Variants in HSDL2 observed in about 807,000 individuals in gnomAD.
HSDL2 encodes the protein hydroxysteroid dehydrogenase like 2, also known as hydroxysteroid dehydrogenase-like protein 2.
A neutral mutation model predicts 46.3 loss-of-function variants in HSDL2; 27 were observed. The observed-to-expected ratio is 0.58, with a 90% CI of 0.43 to 0.80. The LOEUF (loss-of-function observed/expected upper bound fraction) is 0.80, where lower values mean the gene tolerates loss of function less well. Among genes scored for constraint, HSDL2 ranks in the 30% least tolerant of loss-of-function variants. The pLI is 0.00. For missense variants in HSDL2, 451 were observed against 502.7 expected, an observed-to-expected ratio of 0.90 and a Z score of 0.98; for synonymous variants, 153 against 163.6, an observed-to-expected ratio of 0.94 and a Z score of 0.50.
intron 4 of HSDL2, among the ~76,000 whole-genome samples, chr9:112,412,284 G>A (rs1426405516): frequency 1.4e-5 from 2 of 138,640 alleles, no homozygotes; most frequent in African/African-American, 5.4e-5. Flanking sequence ...TGATTAAAAA[G>A]GTTTTAGACT....
In HSDL2 at chr9:112,383,872, T is replaced by A. The variant is rs1001755822; in HGVS notation, c.17+3692T>A. ...ATGCGCCATAATGCCTGGCTATTTTTAAAAAATTTTTTTGTAGAGGAGTCT... is the reference window on the plus strand; with the variant it reads ...ATGCGCCATAATGCCTGGCTATTTTAAAAAAATTTTTTTGTAGAGGAGTCT... On this transcript the variant is annotated intron_variant, in intron 1 of 10. Transcript: ENST00000398805. Among the ~76,000 whole-genome samples the A allele has an allele frequency of 3.9e-5, 6 of 152,288 alleles. No homozygotes were observed. The East Asian group carries it at 7.7e-4, about 20-fold the overall frequency.
chr9:112,423,873 C>T (rs775962672), intron 6 of HSDL2, among the ~76,000 whole-genome samples: 58 of 151,666 alleles, frequency 3.8e-4, no homozygotes, highest in Admixed American at 1.0e-3. Flanking sequence ...GCCCCCACGC[C>T]CAGCTAATTT....
intron 9 of HSDL2, among the ~76,000 whole-genome samples, chr9:112,457,439 G>A (rs902464110): frequency 8.6e-5 from 13 of 151,996 alleles, no homozygotes; most frequent in Admixed American, 5.9e-4. Context: ...TCAGGAGTTC[G>A]AGACCAGGCT....
rs527604588 is a variant in HSDL2 at position 112,470,460 on chromosome 9, G to A, written c.1173G>A (p.Met391Ile). The A allele has an allele frequency of 1.7e-4, 273 of 1,611,294 alleles. 3 individuals are homozygous for A. The South Asian group carries it at 2.6e-3, about 15-fold the overall frequency. Residue 391 changes from methionine to isoleucine, a missense_variant, in exon 11 of 11, where the codon ATG (methionine) becomes ATA (isoleucine). By Grantham distance (10) the Met-to-Ile change is conservative. Coordinates refer to ENST00000398805, the MANE Select transcript of HSDL2 (RefSeq NM_032303.5). ...AACTAAAACCAACAATGGCATTCATGTCAGGGAAATTGAAGATTAAAGGTA... is the reference window on the plus strand; with the variant it reads ...AACTAAAACCAACAATGGCATTCATATCAGGGAAATTGAAGATTAAAGGTA... ...SGKLKPTMAF[M>I]SGKLKIKGNM...
intron 8 of HSDL2, among the ~76,000 whole-genome samples, chr9:112,443,074 G>A (rs1367198876): frequency 6.6e-6 from 1 of 152,118 alleles, no homozygotes; most frequent in Non-Finnish European, 1.5e-5. Context: ...CTTACAGAAT[G>A]GTGGAAAATA....
At chr9:112,440,624 G>A (rs1486776060) in intron 7 of HSDL2, among the ~76,000 whole-genome samples, 1 of 152,204 alleles carries the variant, frequency 6.6e-6, no homozygotes, top group East Asian at 1.9e-4. Context: ...TGTAATCCCA[G>A]CACTTTGGGA....
chr9:112,408,864 A>C, intron 3 of HSDL2, 43 bp from the exon 4 acceptor site: 1 of 1,088,116 alleles, frequency 9.2e-7, no homozygotes. Flanking sequence ...TGTGTGTGAT[A>C]AAAAGTCTTT....
chr9:112,410,021 T>TAA (rs547383495), intron 4 of HSDL2, among the ~76,000 whole-genome samples: 1 of 144,818 alleles, frequency 6.9e-6, no homozygotes, highest in African/African-American at 2.5e-5. Context: ...GACCTGGCGT[T>TAA]AAAAAAAAAA....
chr9:112,469,314 T>G (rs140409198), intron 10 of HSDL2, among the ~76,000 whole-genome samples: 22 of 152,196 alleles, frequency 1.4e-4, no homozygotes, highest in African/African-American at 5.1e-4. Context: ...GGAGGGTGGC[T>G]ACTAAGCTAC....
intron 9 of HSDL2, among the ~76,000 whole-genome samples, chr9:112,454,538 ACT>A (rs756813178): frequency 2.3e-4 from 35 of 152,010 alleles, no homozygotes; most frequent in Non-Finnish European, 3.8e-4. Context: ...GTGTTATATA[ACT>A]CTGGCATATT....
intron 4 of HSDL2, among the ~76,000 whole-genome samples, chr9:112,413,026 TA>T (rs959841902): frequency 2.3e-4 from 34 of 148,844 alleles, no homozygotes; most frequent in African/African-American, 4.2e-4. Context: ...AACAGCCACT[TA>T]AAAAAAAAAC....
intron 10 of HSDL2, among the ~76,000 whole-genome samples, chr9:112,468,340 A>G (rs974650409): frequency 4.6e-5 from 7 of 152,192 alleles, no homozygotes; most frequent in Non-Finnish European, 8.8e-5. Context: ...TTTCTGGAGA[A>G]AAAGATCATC....
chr9:112,424,123 G>A (rs1398921719), intron 6 of HSDL2, among the ~76,000 whole-genome samples: 7 of 151,430 alleles, frequency 4.6e-5, no homozygotes, highest in East Asian at 4.0e-4. Context: ...GATTGAGACC[G>A]TCCTGGCTAA....
chr9:112,466,882 T>C (rs139371216), intron 10 of HSDL2, among the ~76,000 whole-genome samples: 198 of 152,332 alleles, frequency 1.3e-3, no homozygotes, highest in Non-Finnish European at 2.7e-3. Context: ...TTCATTCTTT[T>C]GTATGTGGAT....
At chr9:112,395,110 T>C (rs528101135) in intron 1 of HSDL2, among the ~76,000 whole-genome samples, 6 of 152,222 alleles carry the variant, frequency 3.9e-5, no homozygotes, top group East Asian at 3.9e-4. Flanking sequence ...TTCAGGCTAA[T>C]AGAAATGGTG....
chr9:112,418,731 A>G (rs905600384), intron 5 of HSDL2, 129 bp from the exon 6 acceptor site: 1 of 437,810 alleles, frequency 2.3e-6, no homozygotes, highest in Admixed American at 3.6e-5. Context: ...ACACATACAT[A>G]TGTATATACA....
At chr9:112,382,298 TGACA>T in intron 1 of HSDL2, among the ~76,000 whole-genome samples, 1 of 152,306 alleles carries the variant, frequency 6.6e-6, no homozygotes, top group South Asian at 2.1e-4. Context: ...CTTTATATTT[TGACA>T]GATATTTCCA....
intron 8 of HSDL2, among the ~76,000 whole-genome samples, chr9:112,450,003 A>G (rs1832844602): frequency 6.6e-6 from 1 of 152,046 alleles, no homozygotes; most frequent in Non-Finnish European, 1.5e-5. Context: ...CTAATACTTT[A>G]TTGTTATTTC....
intron 8 of HSDL2, among the ~76,000 whole-genome samples, chr9:112,449,295 C>T (rs1832825815): frequency 6.6e-6 from 1 of 151,932 alleles, no homozygotes. Flanking sequence ...CCATGTTGGT[C>T]AGGCTGGTCT....
Sources: gnomAD v4.1 joint callset for allele counts (sites outside exome capture counted in the v4.1 genomes callset) on GRCh38, gnomAD v4.1.1 for gene constraint, MANE v1.5 for transcripts, NCBI Gene and HGNC (gene_info 2026-07-23, HGNC 2026-07-21) for gene names.